Variants in COL4A2 observed in about 807,000 individuals in gnomAD.
COL4A2 encodes the protein collagen alpha-2(IV) chain.
COL4A2 carries 99 observed loss-of-function variants against 200.2 expected under a neutral mutation model. The observed-to-expected ratio is 0.49, with a 90% CI of 0.42 to 0.58. The LOEUF is 0.58. Ranked by LOEUF, COL4A2 falls within the 20% of genes least tolerant of loss-of-function variation. The pLI is 0.00. For synonymous variants in COL4A2, 897 were observed against 900.6 expected (o/e 1.00, Z 0.07); for missense variants, 1,950 against 2,314.1 (o/e 0.84, Z 3.23).
At chr13:110,337,153 C>T (rs2139367788) in intron 3 of COL4A2, among the ~76,000 whole-genome samples, 1 of 152,316 alleles carries the variant, frequency 6.6e-6, no homozygotes, top group Middle Eastern at 3.4e-3. Context: ...AATCCGTAAG[C>T]CTGTAGGCCA....
intron 4 of COL4A2, among the ~76,000 whole-genome samples, chr13:110,388,007 C>A (rs912683278): frequency 6.6e-6 from 1 of 152,174 alleles, no homozygotes; most frequent in African/African-American, 2.4e-5. Context: ...TCTAAAGCTT[C>A]CCCGTGGACT....
chr13:110,436,416 G>C, intron 13 of COL4A2, 49 bp downstream of exon 13: 1 of 1,584,448 alleles, frequency 6.3e-7, no homozygotes, highest in South Asian at 1.1e-5. Context: ...AAAAAGGAGA[G>C]TAAAAGTACA....
intron 20 of COL4A2, among the ~76,000 whole-genome samples, chr13:110,454,548 C>T (rs1174152078): frequency 6.6e-6 from 1 of 152,136 alleles, no homozygotes; most frequent in Non-Finnish European, 1.5e-5. Flanking sequence ...AAGTCCACAA[C>T]TGACCGGACA....
At chr13:110,319,569 C>T (rs1885228169) in intron 3 of COL4A2, among the ~76,000 whole-genome samples, 1 of 152,196 alleles carries the variant, frequency 6.6e-6, no homozygotes, top group Admixed American at 6.5e-5. Flanking sequence ...AAAGGCCTCC[C>T]AGACTAGCCC....
chr13:110,491,377 A>C, intron 37 of COL4A2, 37 bp downstream of exon 37: 7 of 1,418,142 alleles, frequency 4.9e-6, no homozygotes, highest in Non-Finnish European at 6.8e-6. Flanking sequence ...TTCCTCAGGC[A>C]GGCCCTCCGG....
chr13:110,483,685 T>C (rs1334950545), intron 32 of COL4A2, among the ~76,000 whole-genome samples: 2 of 131,510 alleles, frequency 1.5e-5, no homozygotes, highest in Non-Finnish European at 3.0e-5. Flanking sequence ...GAAAAGTGGA[T>C]TCGCAGTTTC....
At chr13:110,378,716 G>A (rs1878342638) in intron 4 of COL4A2, among the ~76,000 whole-genome samples, 1 of 152,228 alleles carries the variant, frequency 6.6e-6, no homozygotes, top group South Asian at 2.1e-4. Context: ...CTTCCTGAAT[G>A]CAGTATTCCC....
At chr13:110,314,030 T>C (rs1885067179) in intron 3 of COL4A2, among the ~76,000 whole-genome samples, 1 of 152,232 alleles carries the variant, frequency 6.6e-6, no homozygotes, top group African/African-American at 2.4e-5. Flanking sequence ...CCTGGTATCC[T>C]GGGGCGGGTC....
At chr13:110,464,599 G>C (rs1882158330) in intron 24 of COL4A2, among the ~76,000 whole-genome samples, 1 of 152,126 alleles carries the variant, frequency 6.6e-6, no homozygotes, top group Admixed American at 6.5e-5. Context: ...CGGTGTCCCT[G>C]CCCCGCTCCG....
chr13:110,409,386 TCTCTAGTTTCC>T (rs1311043698), intron 4 of COL4A2, among the ~76,000 whole-genome samples: 1 of 152,110 alleles, frequency 6.6e-6, no homozygotes, highest in Non-Finnish European at 1.5e-5. Flanking sequence ...CCACCCCGGG[TCTCTAGTTTCC>T]CTCTCCCAGT....
chr13:110,443,700 C>T (rs1431826779), intron 16 of COL4A2, among the ~76,000 whole-genome samples: 1 of 152,138 alleles, frequency 6.6e-6, no homozygotes, highest in African/African-American at 2.4e-5. Context: ...TAAGGGTGGG[C>T]TCTGTGGTGA....
intron 3 of COL4A2, among the ~76,000 whole-genome samples, chr13:110,321,872 TG>T (rs953356246): frequency 2.0e-5 from 3 of 152,134 alleles, no homozygotes; most frequent in Non-Finnish European, 4.4e-5. Context: ...GAGAACAGTA[TG>T]GGGGAAACCA....
chr13:110,320,814 T>C (rs1885256035), intron 3 of COL4A2, among the ~76,000 whole-genome samples: 1 of 152,224 alleles, frequency 6.6e-6, no homozygotes, highest in African/African-American at 2.4e-5. Context: ...TTCTAGCTCA[T>C]CAGTGAGAGA....
At chr13:110,469,405 A>G in intron 28 of COL4A2, 81 bp downstream of exon 28, 1 of 1,368,060 alleles carries the variant, frequency 7.3e-7, no homozygotes, top group African/African-American at 1.5e-5. Flanking sequence ...CAGCTCTATT[A>G]TCTTCCACTT....
intron 22 of COL4A2, among the ~76,000 whole-genome samples, chr13:110,460,834 G>A (rs7139931): frequency 0.23 from 34,639 of 151,972 alleles, 4,405 homozygotes; most frequent in Non-Finnish European, 0.3. Context: ...TATACCCAAC[G>A]TGTATTGATC....
chr13:110,314,508 C>T (rs1355322616), intron 3 of COL4A2, among the ~76,000 whole-genome samples: 1 of 152,100 alleles, frequency 6.6e-6, no homozygotes, highest in African/African-American at 2.4e-5. Context: ...GATTTTTGTC[C>T]CCTGGCCGTG....
At position 110,384,604 on chromosome 13, in the gene COL4A2, G is replaced by GC. The variant is rs148268880; in HGVS notation, c.180+27054dup. Among the ~76,000 whole-genome samples the GC allele has an allele frequency of 5.9e-5, 9 of 152,314 alleles. No homozygotes were observed. In the East Asian group the frequency reaches 1.7e-3, roughly 29 times the overall value. ...CCTCTGGCGTGTGGAGTGCCTGGCT[G>GC]CCGCCTTCATTCTCTATCTGACTGT... On this transcript the variant is annotated intron_variant, in intron 4 of 47. Coordinates refer to ENST00000360467, the MANE Select transcript of COL4A2 (RefSeq NM_001846.4).
intron 32 of COL4A2, 47 bp from the exon 33 acceptor site, chr13:110,484,858 C>T (rs755422440): frequency 6.4e-6 from 10 of 1,551,296 alleles, no homozygotes; most frequent in Admixed American, 5.6e-5. Context: ...TGTTCTCCTG[C>T]GTGGTCTGGA....
chr13:110,415,359 AAGG>A (rs943318500), intron 4 of COL4A2, among the ~76,000 whole-genome samples: 2 of 152,258 alleles, frequency 1.3e-5, no homozygotes, highest in Non-Finnish European at 2.9e-5. Context: ...GCAGTAGCCA[AAGG>A]AGGAGAAGGA....
Sources: allele counts gnomAD v4.1 joint callset (sites outside exome capture counted in the v4.1 genomes callset), GRCh38; gene constraint gnomAD v4.1.1; transcripts MANE v1.5; gene names NCBI Gene and HGNC (gene_info 2026-07-23, HGNC 2026-07-21).